LINGO2: variants seen among roughly 807,000 people sequenced by gnomAD.
LINGO2 encodes the protein leucine rich repeat and Ig domain containing 2, also known as leucine-rich repeat and immunoglobulin-like domain-containing nogo receptor-interacting protein 2.
A neutral mutation model predicts 30.6 loss-of-function variants in LINGO2; 14 were observed. The observed-to-expected ratio is 0.46, with a 90% CI of 0.30 to 0.72. LINGO2 has a LOEUF of 0.72. Among genes scored for constraint, LINGO2 ranks in the 30% least tolerant of loss-of-function variants. The pLI is 0.07. For missense variants in LINGO2, 729 were observed against 751.7 expected, an observed-to-expected ratio of 0.97 and a Z score of 0.35; for synonymous variants, 317 against 288.5, an observed-to-expected ratio of 1.10 and a Z score of -1.00.
chr9:28,874,599 G>C, the LINGO2 span, among the ~76,000 whole-genome samples: 2 of 151,784 alleles, frequency 1.3e-5, no homozygotes, highest in Non-Finnish European at 2.9e-5. Context: ...AAGTACATTA[G>C]GCAAAATCCA....
At chr9:28,644,573 G>T (rs1208816316) in intron 1 of LINGO2, among the ~76,000 whole-genome samples, 1 of 142,800 alleles carries the variant, frequency 7.0e-6, no homozygotes, top group Admixed American at 7.0e-5. Context: ...ATGGTTAATG[G>T]GTGCAAACAG....
chr9:28,784,617 G>A, the LINGO2 span, among the ~76,000 whole-genome samples: 1 of 152,100 alleles, frequency 6.6e-6, no homozygotes, highest in South Asian at 2.1e-4. Flanking sequence ...TGTTCTCAAG[G>A]AAGAATTGAA....
chr9:28,451,132 G>C, intron 2 of LINGO2, among the ~76,000 whole-genome samples: 1 of 151,838 alleles, frequency 6.6e-6, no homozygotes, highest in South Asian at 2.1e-4. Flanking sequence ...CTAACCAATA[G>C]GATCAATTAT....
chr9:28,269,388 T>C (rs1349512438), intron 4 of LINGO2, among the ~76,000 whole-genome samples: 1 of 152,146 alleles, frequency 6.6e-6, no homozygotes, highest in African/African-American at 2.4e-5. Flanking sequence ...TCTGTCTATA[T>C]AAATTTCCTA....
the LINGO2 span, among the ~76,000 whole-genome samples, chr9:28,774,292 C>T: frequency 2.2e-4 from 34 of 152,174 alleles, no homozygotes; most frequent in African/African-American, 7.5e-4. Context: ...CCTCCTAAAA[C>T]GGTTCACTGA....
chr9:28,964,678 T>C, the LINGO2 span, among the ~76,000 whole-genome samples: 2 of 152,064 alleles, frequency 1.3e-5, no homozygotes, highest in East Asian at 1.9e-4. Context: ...CAATATACTA[T>C]GATAGAGATA....
At chr9:28,754,873 C>T in the LINGO2 span, among the ~76,000 whole-genome samples, 25 of 151,860 alleles carry the variant, frequency 1.6e-4, no homozygotes, top group Non-Finnish European at 2.4e-4. Flanking sequence ...TCCCATGATC[C>T]GCCCGTCTCA....
At chr9:28,449,796 T>C (rs920727736) in intron 2 of LINGO2, among the ~76,000 whole-genome samples, 6 of 152,078 alleles carry the variant, frequency 3.9e-5, no homozygotes, top group Non-Finnish European at 7.4e-5. Flanking sequence ...TATGAATCAA[T>C]TCTGAGACTG....
At chr9:28,982,543 TA>T in the LINGO2 span, among the ~76,000 whole-genome samples, 6 of 152,086 alleles carry the variant, frequency 3.9e-5, no homozygotes, top group Non-Finnish European at 8.8e-5. Flanking sequence ...AGGATTTCTA[TA>T]TTTTCAAAAT....
intron 1 of LINGO2, among the ~76,000 whole-genome samples, chr9:28,489,264 G>GT (rs1180522004): frequency 6.6e-6 from 1 of 152,098 alleles, no homozygotes; most frequent in Non-Finnish European, 1.5e-5. Flanking sequence ...CCATCTCCGG[G>GT]TTTCAAGAGA....
chr9:28,574,162 GCA>G (rs1282676215), intron 1 of LINGO2, among the ~76,000 whole-genome samples: 6 of 152,158 alleles, frequency 3.9e-5, no homozygotes, highest in Admixed American at 6.6e-5. Flanking sequence ...GTGCTTGTTA[GCA>G]TGTGAGTGTG....
At chr9:28,776,972 G>A in the LINGO2 span, among the ~76,000 whole-genome samples, 1 of 151,956 alleles carries the variant, frequency 6.6e-6, no homozygotes, top group Admixed American at 6.6e-5. Flanking sequence ...CCCCCTTGCT[G>A]TTCTCATGAT....
chr9:28,262,629 A>T (rs1377821385), intron 4 of LINGO2, among the ~76,000 whole-genome samples: 4 of 152,062 alleles, frequency 2.6e-5, no homozygotes, highest in African/African-American at 9.7e-5. Flanking sequence ...TGCGTTCAGA[A>T]GAAAACATTG....
At chr9:28,951,250 T>C in the LINGO2 span, among the ~76,000 whole-genome samples, 18,084 of 152,102 alleles carry the variant, frequency 0.12, 1,073 homozygotes, top group South Asian at 0.15. Flanking sequence ...TCTAGATGGA[T>C]TAAAGACTTA....
intron 4 of LINGO2, among the ~76,000 whole-genome samples, chr9:28,045,745 G>A (rs1335686101): frequency 6.6e-6 from 1 of 152,126 alleles, no homozygotes; most frequent in Admixed American, 6.5e-5. Flanking sequence ...TAAGCACTAT[G>A]GAAGATAAAG....
rs548057454 is a variant in LINGO2, at chr9:28,364,339, T to G, written c.-246+8497A>C. On this transcript the variant is annotated intron_variant, in intron 3 of 5. Coordinates refer to ENST00000379992, the Ensembl canonical transcript of LINGO2. ...GTGTCATCATCTACCACTGTTAGCT[T>G]TAGTTTTTTTTTTTTCTCTATGTTG... Among the ~76,000 whole-genome samples, 110 of 147,660 alleles carry G rather than the reference T, an allele frequency of 7.4e-4. 1 individual carries two copies. The highest frequency in any genetic ancestry group is 1.4e-3 in the Non-Finnish European group (96 of 67,192).
the LINGO2 span, among the ~76,000 whole-genome samples, chr9:28,802,953 T>C: frequency 6.6e-6 from 1 of 152,010 alleles, no homozygotes; most frequent in Admixed American, 6.6e-5. Context: ...CTTCTGTGTC[T>C]CCAAATTCAG....
At chr9:28,504,722 C>T (rs1285586485) in intron 1 of LINGO2, among the ~76,000 whole-genome samples, 1 of 151,474 alleles carries the variant, frequency 6.6e-6, no homozygotes, top group Non-Finnish European at 1.5e-5. Flanking sequence ...TAAAAATAGT[C>T]ATTGTAGGAA....
At chr9:28,647,893 C>CTTTTTTTTTT (rs5897315) in intron 1 of LINGO2, among the ~76,000 whole-genome samples, 2 of 130,246 alleles carry the variant, frequency 1.5e-5, no homozygotes, top group Non-Finnish European at 3.3e-5. Flanking sequence ...TTCTTTCTTT[C>CTTTTTTTTTT]TTTTTTTTTT....
Sources: allele counts gnomAD v4.1 joint callset (sites outside exome capture counted in the v4.1 genomes callset), GRCh38; gene constraint gnomAD v4.1.1; transcripts MANE v1.5; gene names NCBI Gene and HGNC (gene_info 2026-07-23, HGNC 2026-07-21).